The following ANKS1B variants were observed in gnomAD, a reference collection of about 807,000 sequenced individuals.
The protein encoded by ANKS1B is ankyrin repeat and sterile alpha motif domain-containing protein 1B.
In ANKS1B, 36 loss-of-function variants were observed where a neutral mutation model predicts 148.3. The ratio of observed to expected loss-of-function variants is 0.24; its 90% CI spans 0.19 to 0.32. The LOEUF is 0.32. Ranked by LOEUF, ANKS1B falls within the 10% of genes least tolerant of loss-of-function variation. The pLI, the probability that ANKS1B is intolerant of heterozygous loss-of-function variation, is 1.00. For missense variants in ANKS1B, 1,157 were observed against 1,542.6 expected, an observed-to-expected ratio of 0.75 and a Z score of 4.19; for synonymous variants, 542 against 560.8, an observed-to-expected ratio of 0.97 and a Z score of 0.47.
At chr12:99,930,697 G>A (rs1165234834) in intron 1 of ANKS1B, among the ~76,000 whole-genome samples, 2 of 152,136 alleles carry the variant, frequency 1.3e-5, no homozygotes. Context: ...GAAACAACAG[G>A]TGCCGGAAAG....
chr12:99,076,350 T>A (rs1314888847), intron 16 of ANKS1B, among the ~76,000 whole-genome samples: 1 of 152,068 alleles, frequency 6.6e-6, no homozygotes, highest in Non-Finnish European at 1.5e-5. Flanking sequence ...TTTTAGGGAA[T>A]ATCAATGTAT....
chr12:99,555,448 T>C (rs2097265984), intron 9 of ANKS1B, among the ~76,000 whole-genome samples: 1 of 152,206 alleles, frequency 6.6e-6, no homozygotes, highest in South Asian at 2.1e-4. Context: ...TCTTGCCTGA[T>C]TCCTTGGCTA....
chr12:99,233,092 T>C (rs553304312), intron 14 of ANKS1B, among the ~76,000 whole-genome samples: 4 of 152,214 alleles, frequency 2.6e-5, no homozygotes, highest in African/African-American at 9.6e-5. Flanking sequence ...AAAATTACAT[T>C]CATGCTTTGT....
chr12:99,363,127 T>C (rs191689274), intron 12 of ANKS1B, among the ~76,000 whole-genome samples: 65 of 152,146 alleles, frequency 4.3e-4, no homozygotes, highest in Non-Finnish European at 7.4e-4. Flanking sequence ...AAAAGACTCC[T>C]TCCTCTACTT....
At chr12:98,998,065 ACCTGT>A (rs1489916756) in intron 17 of ANKS1B, among the ~76,000 whole-genome samples, 1 of 152,164 alleles carries the variant, frequency 6.6e-6, no homozygotes, top group African/African-American at 2.4e-5. Flanking sequence ...TCCATGTATA[ACCTGT>A]CCTTGTGCCA....
chr12:99,465,502 T>C (rs1567156555), intron 10 of ANKS1B, among the ~76,000 whole-genome samples: 1 of 152,054 alleles, frequency 6.6e-6, no homozygotes, highest in Non-Finnish European at 1.5e-5. Flanking sequence ...ACTGGCAAAT[T>C]GGATAAAGAG....
intron 9 of ANKS1B, among the ~76,000 whole-genome samples, chr12:99,513,171 G>A (rs1361568808): frequency 2.6e-5 from 4 of 151,952 alleles, no homozygotes; most frequent in Admixed American, 2.6e-4. Flanking sequence ...ATGACTCACT[G>A]AAGGCTCATA....
chr12:98,956,496 TG>T (rs2099862284), intron 17 of ANKS1B: 1 of 152,212 alleles, frequency 6.6e-6, no homozygotes, highest in Non-Finnish European at 1.5e-5. Context: ...GAGTTTGGCC[TG>T]CAAGGATCAT....
At chr12:99,241,602 G>A (rs1001144815) in intron 14 of ANKS1B, among the ~76,000 whole-genome samples, 7 of 152,128 alleles carry the variant, frequency 4.6e-5, no homozygotes, top group South Asian at 2.1e-4. Flanking sequence ...CAACAAAAGA[G>A]AATTTTATGC....
intron 20 of ANKS1B, among the ~76,000 whole-genome samples, chr12:98,802,084 G>C (rs1332178221): frequency 6.6e-6 from 1 of 152,132 alleles, no homozygotes; most frequent in Non-Finnish European, 1.5e-5. Context: ...TCAGTTCTTT[G>C]TTCTCAAGTG....
intron 17 of ANKS1B, among the ~76,000 whole-genome samples, chr12:99,003,100 C>T (rs1004651200): frequency 1.2e-4 from 18 of 152,040 alleles, no homozygotes; most frequent in African/African-American, 4.4e-4. Flanking sequence ...CATCTTTTGC[C>T]CATTGTATAT....
intron 1 of ANKS1B, among the ~76,000 whole-genome samples, chr12:99,890,570 G>GGCGT (rs1174916956): frequency 1.4e-5 from 2 of 137,960 alleles, no homozygotes; most frequent in African/African-American, 5.5e-5. Context: ...TCGCATTCAT[G>GGCGT]GTGTGTGTGT....
At chr12:98,906,005 T>G (rs1567706554) in intron 17 of ANKS1B, among the ~76,000 whole-genome samples, 1 of 152,212 alleles carries the variant, frequency 6.6e-6, no homozygotes, top group Non-Finnish European at 1.5e-5. Context: ...AGTGTTCCCT[T>G]AGAATGGAAA....
At chr12:98,951,780 T>G (rs943296400) in intron 17 of ANKS1B, among the ~76,000 whole-genome samples, 6 of 152,344 alleles carry the variant, frequency 3.9e-5, no homozygotes, top group Admixed American at 3.3e-4. Context: ...AAATTTCCTC[T>G]TCTGTGAACA....
intron 1 of ANKS1B, among the ~76,000 whole-genome samples, chr12:99,936,757 G>A (rs867892339): frequency 5.3e-5 from 8 of 152,070 alleles, no homozygotes; most frequent in South Asian, 2.1e-4. Context: ...CTTTTTTCCC[G>A]CTATTTTCAG....
At chr12:99,063,147 C>T (rs1452877201) in intron 16 of ANKS1B, among the ~76,000 whole-genome samples, 1 of 152,162 alleles carries the variant, frequency 6.6e-6, no homozygotes, top group Non-Finnish European at 1.5e-5. Context: ...CTTAAACTTG[C>T]CTAGGAAGCT....
chr12:99,317,901 T>C (rs542633978), intron 12 of ANKS1B, among the ~76,000 whole-genome samples: 1 of 152,368 alleles, frequency 6.6e-6, no homozygotes, highest in East Asian at 1.9e-4. Flanking sequence ...TCAAAGGCCT[T>C]TTCTGCATCT....
At chr12:99,202,908 T>A (rs1401897012) in intron 14 of ANKS1B, among the ~76,000 whole-genome samples, 1 of 152,116 alleles carries the variant, frequency 6.6e-6, no homozygotes, top group Non-Finnish European at 1.5e-5. Context: ...CCTCTCCAAG[T>A]GTCCTACATC....
intron 14 of ANKS1B, among the ~76,000 whole-genome samples, chr12:99,193,993 G>A (rs1197790864): frequency 6.6e-6 from 1 of 151,516 alleles, no homozygotes; most frequent in African/African-American, 2.4e-5. Context: ...GTAGAGATGG[G>A]GTTTCATCAT....
Sources: allele counts gnomAD v4.1 joint callset (sites outside exome capture counted in the v4.1 genomes callset), GRCh38; gene constraint gnomAD v4.1.1; transcripts MANE v1.5; gene names NCBI Gene and HGNC (gene_info 2026-07-23, HGNC 2026-07-21).